NEK3: variants seen among roughly 807,000 people sequenced by gnomAD.
The protein encoded by NEK3 is NIMA related kinase 3.
A neutral mutation model predicts 66.0 loss-of-function variants in NEK3; 54 were observed. That is an observed-to-expected ratio of 0.82 (90% CI 0.66 to 1.03). NEK3 has a LOEUF of 1.03. Among genes scored for constraint, NEK3 ranks in the 50% least tolerant of loss-of-function variants. The pLI, the probability that NEK3 is intolerant of heterozygous loss-of-function variation, is 0.00. For missense variants in NEK3, 593 were observed against 603.0 expected (o/e 0.98, Z 0.17); for synonymous variants, 200 against 206.2 (o/e 0.97, Z 0.26).
chr13:52,148,210 T>G (rs1956310230), intron 8 of NEK3: 2 of 434,014 alleles, frequency 4.6e-6, no homozygotes, highest in Non-Finnish European at 8.2e-6. Flanking sequence ...AGGTTATGTA[T>G]TGCACAGCCA....
intron 10 of NEK3, among the ~76,000 whole-genome samples, chr13:52,141,571 T>C (rs976851520): frequency 6.6e-6 from 1 of 152,154 alleles, no homozygotes; most frequent in Non-Finnish European, 1.5e-5. Context: ...GTGGTTCATG[T>C]CCCTTATTCA....
intron 11 of NEK3, among the ~76,000 whole-genome samples, chr13:52,139,107 G>A (rs1158604741): frequency 6.6e-6 from 1 of 152,196 alleles, no homozygotes; most frequent in African/African-American, 2.4e-5. Flanking sequence ...AGATGAACAG[G>A]ACCCCGAATG....
intron 1 of NEK3, among the ~76,000 whole-genome samples, chr13:52,157,665 C>G (rs1956406646): frequency 6.6e-6 from 1 of 152,108 alleles, no homozygotes; most frequent in South Asian, 2.1e-4. Flanking sequence ...CTTCAGTCTC[C>G]CATCTATATT....
chr13:52,158,964 G>C (rs994636324), intron 1 of NEK3, among the ~76,000 whole-genome samples: 1 of 152,080 alleles, frequency 6.6e-6, no homozygotes, highest in African/African-American at 2.4e-5. Context: ...TTCAAGACAA[G>C]GGAAACTGAC....
At chr13:52,154,308 C>CA in intron 2 of NEK3, 135 bp from the exon 3 acceptor site, 1 of 549,154 alleles carries the variant, frequency 1.8e-6, no homozygotes, top group African/African-American at 1.9e-5. Flanking sequence ...TTAAGTTTGT[C>CA]AAATGACAAG....
chr13:52,158,346 T>C (rs1956412550), intron 1 of NEK3, among the ~76,000 whole-genome samples: 1 of 152,232 alleles, frequency 6.6e-6, no homozygotes, highest in African/African-American at 2.4e-5. Flanking sequence ...TTTCTTCATA[T>C]AACCAAATCA....
chr13:52,143,464 TC>T (rs1956267905), intron 10 of NEK3, among the ~76,000 whole-genome samples: 1 of 152,102 alleles, frequency 6.6e-6, no homozygotes, highest in Non-Finnish European at 1.5e-5. Context: ...CTCCGACGCA[TC>T]ACTACCACCC....
At chr13:52,156,547 C>A in intron 1 of NEK3, 1 of 168,930 alleles carries the variant, frequency 5.9e-6, no homozygotes, top group Non-Finnish European at 1.3e-5. Context: ...AGGAGAGCAA[C>A]TCTTACCAAT....
intron 8 of NEK3, 70 bp from the exon 9 acceptor site, chr13:52,144,961 GT>G: frequency 9.8e-7 from 1 of 1,023,972 alleles, no homozygotes; most frequent in Non-Finnish European, 1.5e-6. Flanking sequence ...TACCAGTTAT[GT>G]AAATTATTCT....
intron 15 of NEK3, 50 bp from the exon 16 acceptor site, chr13:52,133,276 T>A (rs977708519): frequency 1.4e-6 from 2 of 1,391,652 alleles, no homozygotes; most frequent in Middle Eastern, 3.5e-4. Flanking sequence ...GGGCACAGTA[T>A]CTGTTGATGA....
Position 52,153,930 on chromosome 13 carries a change from T to A in NEK3, c.274A>T (p.Lys92Ter), listed in dbSNP as rs1190977259. The A allele has an allele frequency of 6.2e-7, 1 of 1,612,816 alleles. No homozygotes were observed. The highest frequency in any genetic ancestry group is 1.1e-5 in the South Asian group (1 of 91,036). ...CDGGDLMQKI[K>*]QQKGKLFPED... is the part of the protein sequence containing the mutation. ...GGAAATAACTTTCCTTTCTGCTGTTTAATCTTTTGCATTAGATCCCCTCCA... is the reference window on the plus strand; with the variant it reads ...GGAAATAACTTTCCTTTCTGCTGTTAAATCTTTTGCATTAGATCCCCTCCA... Residue 92 changes from lysine to a stop codon, truncating the protein, a stop_gained, in exon 4 of 16, where the codon AAA becomes TAA. Transcript: ENST00000610828. LOFTEE classifies it high-confidence loss of function.
In NEK3 at chr13:52,133,783, C is replaced by T. The variant is rs781587676; in HGVS notation, c.1342G>A (p.Glu448Lys). 57 of 1,597,838 alleles carry T rather than the reference C, an allele frequency of 3.6e-5. No individual in the cohort carries two copies. Among genetic ancestry groups the T allele is most frequent in the Non-Finnish European group, 4.5e-5 (53 of 1,171,592 alleles). Residue 448 changes from glutamate (E) to lysine (K), a missense_variant, in exon 15 of 16, where the codon GAA becomes AAA. Transcript: ENST00000610828. ...ACACTGTCCGATGCTTCTGTTTCTT[C>T]AGACAGGGGGCCTTTCAAGAACCCT... ...SEGFLKGPLS[E>K]ETEASDSVDG...
intron 11 of NEK3, 77 bp from the exon 12 acceptor site, chr13:52,136,979 C>A: frequency 4.3e-6 from 4 of 937,342 alleles, no homozygotes; most frequent in South Asian, 4.3e-5. Flanking sequence ...GCAAAGTCAG[C>A]CATTTTAATT....
chr13:52,149,851 AGAGT>A lies in NEK3; in HGVS notation c.548+1291_548+1294del, dbSNP rs1229006385. Among the ~76,000 whole-genome samples, 24 of 148,810 alleles carry A rather than the reference AGAGT, an allele frequency of 1.6e-4. No homozygotes were observed. The East Asian group carries it at 2.4e-3, about 15-fold the overall frequency. On this transcript the variant is annotated intron_variant, in intron 7 of 15. Coordinates refer to ENST00000610828, the MANE Select transcript of NEK3 (RefSeq NM_002498.3). ...GCCATTGCACTCAAGCCTGAGCAAC[AGAGT>A]GAGACTCTGTCTCAAAAAAAAAAAA... is the stretch of plus-strand genomic sequence containing the variant.
intron 8 of NEK3, 101 bp downstream of exon 8, chr13:52,148,314 C>T: frequency 8.9e-7 from 1 of 1,120,874 alleles, no homozygotes; most frequent in Non-Finnish European, 1.3e-6. Flanking sequence ...TTTATAATGA[C>T]TTCATCCTAG....
intron 14 of NEK3, among the ~76,000 whole-genome samples, chr13:52,135,125 A>T (rs1956191912): frequency 6.6e-6 from 1 of 152,152 alleles, no homozygotes; most frequent in Non-Finnish European, 1.5e-5. Flanking sequence ...TACATATCTA[A>T]TACAGACCAC....
intron 14 of NEK3, among the ~76,000 whole-genome samples, chr13:52,135,146 T>C (rs1223019716): frequency 1.3e-5 from 2 of 152,038 alleles, no homozygotes; most frequent in Non-Finnish European, 2.9e-5. Flanking sequence ...TGGCCTGGAT[T>C]CCTAAGGAGA....
intron 11 of NEK3, among the ~76,000 whole-genome samples, chr13:52,138,500 T>C (rs939380569): frequency 2.0e-5 from 3 of 152,228 alleles, no homozygotes; most frequent in Non-Finnish European, 4.4e-5. Flanking sequence ...CTGTATTCCA[T>C]TTGTAGCAAC....
chr13:52,133,728 TCCAAAATGACAGAATCGTGA>T lies in NEK3; in HGVS notation c.1377_1396del (p.His460SerfsTer5). On this transcript the variant is annotated frameshift_variant, in exon 15 of 16. Coordinates refer to ENST00000610828, the MANE Select transcript of NEK3 (RefSeq NM_002498.3). LOFTEE classifies it high-confidence loss of function. ...TAGCCCAGGCTCAAGTCGCTCTGGATCCAAAATGACAGAATCGTGACCTCCATCAACACTGTCCGATGCTT... is the reference window on the plus strand; with the variant it reads ...TAGCCCAGGCTCAAGTCGCTCTGGATCCTCCATCAACACTGTCCGATGCTT... 6.4e-7 allele frequency: 1 copy of T among 1,566,696 alleles called. No homozygotes were observed. The highest frequency in any genetic ancestry group is 2.3e-5 in the East Asian group (1 of 42,936).
Sources: gnomAD v4.1 joint callset for allele counts (sites outside exome capture counted in the v4.1 genomes callset) on GRCh38, gnomAD v4.1.1 for gene constraint, MANE v1.5 for transcripts, NCBI Gene and HGNC (gene_info 2026-07-23, HGNC 2026-07-21) for gene names.